DMD: variants seen among roughly 807,000 people sequenced by gnomAD.
The protein encoded by DMD is dystrophin, also known as mutant dystrophin.
A neutral mutation model predicts 330.1 loss-of-function variants in DMD; 63 were observed. The ratio of observed to expected loss-of-function variants is 0.19; its 90% CI spans 0.16 to 0.24. The LOEUF (loss-of-function observed/expected upper bound fraction) is 0.24. Among genes scored for constraint, DMD ranks in the 10% least tolerant of loss-of-function variants. The pLI is 1.00. For missense variants in DMD, 3,344 were observed against 2,684.1 expected (o/e 1.25, Z -5.43); for synonymous variants, 1,223 against 959.8 (o/e 1.27, Z -5.07).
intron 27 of DMD, among the ~76,000 whole-genome samples, chrX:32,446,955 T>C (rs1299589096): frequency 2.7e-5 from 3 of 110,574 alleles, no homozygotes; most frequent in African/African-American, 9.8e-5. Flanking sequence ...AATCCAATAA[T>C]TGGTCTTGAA....
At chrX:31,269,808 G>A (rs1450325399) in intron 62 of DMD, among the ~76,000 whole-genome samples, 4 of 111,700 alleles carry the variant, frequency 3.6e-5, no homozygotes, top group Non-Finnish European at 7.5e-5. Flanking sequence ...CTGACCTAAG[G>A]GACTGTGCAG....
chrX:33,021,408 TG>T (rs2093911642), intron 1 of DMD, among the ~76,000 whole-genome samples: 2 of 111,243 alleles, frequency 1.8e-5, no homozygotes, highest in Admixed American at 1.9e-4. Flanking sequence ...TATTAGTTAA[TG>T]TTCAGTAAAT....
At chrX:32,636,451 C>T (rs1340135671) in intron 11 of DMD, among the ~76,000 whole-genome samples, 4 of 111,797 alleles carry the variant, frequency 3.6e-5, no homozygotes, top group African/African-American at 1.3e-4. Context: ...ATTTATTTTC[C>T]TACTTAATGG....
chrX:31,301,777 T>C (rs763628848), intron 62 of DMD, among the ~76,000 whole-genome samples: 97 of 112,104 alleles, frequency 8.7e-4, no homozygotes, highest in Non-Finnish European at 1.7e-3. Context: ...TTGTTTGTTG[T>C]TGTTGTTGTT....
intron 44 of DMD, among the ~76,000 whole-genome samples, chrX:32,202,489 C>T (rs2097045491): frequency 9.0e-6 from 1 of 111,560 alleles, no homozygotes; most frequent in African/African-American, 3.3e-5. Context: ...GTAGCTGGGA[C>T]TCTAGGCATG....
intron 7 of DMD, among the ~76,000 whole-genome samples, chrX:32,750,272 G>GAA (rs1021756984): frequency 9.0e-6 from 1 of 111,586 alleles, no homozygotes; most frequent in Non-Finnish European, 1.9e-5. Flanking sequence ...CCATCCTTGA[G>GAA]AAAGCTAGTT....
chrX:32,773,510 CTTT>C (rs1352903237), intron 7 of DMD, among the ~76,000 whole-genome samples: 1 of 62,381 alleles, frequency 1.6e-5, no homozygotes, highest in Non-Finnish European at 3.1e-5. Flanking sequence ...TAACTATATA[CTTT>C]TTATTTTTTT....
Position 31,449,795 on chromosome X carries a change from TATAG to T in DMD, c.8938-5172_8938-5169del, listed in dbSNP as rs58546089. Among the ~76,000 whole-genome samples the T allele has an allele frequency of 2.2e-3, 179 of 81,245 alleles. 1 individual carries two copies. The highest frequency in any genetic ancestry group is 8.3e-3 in the Admixed American group (55 of 6,622). 70.6% of individuals were successfully genotyped at this position (81,245 alleles called of 115,157 possible). ...ATATATATATATATATATATATATA[TATAG>T]ATAGATAGATAGATAGAAATCTGGC... On this transcript the variant is annotated intron_variant, in intron 59 of 78. Transcript: ENST00000357033.
chrX:31,452,296 A>G (rs2065817745), intron 59 of DMD, among the ~76,000 whole-genome samples: 1 of 87,073 alleles, frequency 1.1e-5, no homozygotes, highest in African/African-American at 5.9e-5. Context: ...ATAAAAAACA[A>G]TCTCAACCAG....
chrX:31,364,645 C>T (rs749639745), intron 60 of DMD, among the ~76,000 whole-genome samples: 48 of 112,147 alleles, frequency 4.3e-4, no homozygotes, highest in African/African-American at 1.4e-3. Context: ...ATTTAAGTTG[C>T]TCAAGAACCA....
At chrX:31,503,450 G>T (rs951620411) in intron 56 of DMD, among the ~76,000 whole-genome samples, 10 of 111,989 alleles carry the variant, frequency 8.9e-5, no homozygotes, top group African/African-American at 3.2e-4. Context: ...AAACTGGGTT[G>T]CCCAGCTGCT....
At chrX:32,058,515 C>A (rs1157221846) in intron 44 of DMD, among the ~76,000 whole-genome samples, 1 of 97,917 alleles carries the variant, frequency 1.0e-5, no homozygotes, top group Non-Finnish European at 2.0e-5. Flanking sequence ...CAGGGAAATG[C>A]AAATCAAATC....
Position 32,406,465 on chromosome X carries a change from G to C in DMD, c.4233+5287C>G, listed in dbSNP as rs139771122. On this transcript the variant is annotated intron_variant, in intron 30 of 78. Transcript: ENST00000357033. ...TTATTGAGAATTTTTAGCATGAGGG[G>C]TAGTTGAATATTGTCAAAGGCCTTT... 4.9e-3 allele frequency among the ~76,000 whole-genome samples: 545 copies of C among 110,487 alleles called. 18 individuals are homozygous for C. The highest frequency in any genetic ancestry group is 0.017 in the African/African-American group (500 of 29,875).
chrX:32,868,414 T>TCTAAGAGAACTGCCAC (rs1276162278), intron 2 of DMD, among the ~76,000 whole-genome samples: 1 of 110,962 alleles, frequency 9.0e-6, no homozygotes, highest in East Asian at 2.9e-4. Flanking sequence ...AGGGGCGGCA[T>TCTAAGAGAACTGCCAC]CTAAGAGAAC....
chrX:31,366,496 A>AAC (rs2089265599), intron 60 of DMD, among the ~76,000 whole-genome samples: 2 of 63,517 alleles, frequency 3.1e-5, no homozygotes, highest in African/African-American at 1.3e-4. Context: ...AAAAAAAAAA[A>AAC]CATAAAAAAA....
intron 51 of DMD, among the ~76,000 whole-genome samples, chrX:31,762,594 C>G (rs1388932355): frequency 7.2e-5 from 8 of 111,001 alleles, no homozygotes; most frequent in Non-Finnish European, 1.3e-4. Context: ...AACAACAAAA[C>G]AAAACAAAAA....
At position 31,820,063 on chromosome X, in the gene DMD, G is replaced by A; in HGVS notation, c.7221C>T (p.Ser2407=). Reference sequence around the variant, plus strand: ...AACGGTTTACCGCCTTCCACTCAGAGCTCAGATCTTCTAACTTCCTCTTTA... The same window carrying A: ...AACGGTTTACCGCCTTCCACTCAGAACTCAGATCTTCTAACTTCCTCTTTA... ...QPVKRKLEDL[S]SEWKAVNRLL... is the part of the protein sequence containing the mutation. The change falls in exon 50 of 79, where the codon AGC becomes AGT. Residue 2407 remains serine (S), a synonymous_variant. Transcript: ENST00000357033. 8.3e-7 allele frequency: 1 copy of A among 1,210,316 alleles called. No individual in the cohort carries two copies. Among genetic ancestry groups the A allele is most frequent in the Non-Finnish European group, 1.1e-6 (1 of 894,225 alleles).
chrX:32,310,270 C>G lies in DMD; in HGVS notation c.5929G>C (p.Val1977Leu), dbSNP rs1314263909. ...ATCACCATCATCGTTTCTTCACGGA[C>G]AGTGTGCTGGTATAGATATACAAAA... ...RRLNFAQIHT[V>L]REETMMVMTE... Residue 1977 changes from valine to leucine, a missense_variant, in exon 42 of 79, where the codon GTC (valine) becomes CTC (leucine). Coordinates refer to ENST00000357033, the MANE Select transcript of DMD (RefSeq NM_004006.3). 7.5e-6 allele frequency: 9 copies of G among 1,205,661 alleles called. No individual in the cohort carries two copies. The South Asian group carries it at 1.6e-4, about 21-fold the overall frequency.
intron 61 of DMD, among the ~76,000 whole-genome samples, chrX:31,343,582 AGTGTGTGTGT>A (rs56312485): frequency 5.7e-5 from 5 of 87,646 alleles, no homozygotes; most frequent in Non-Finnish European, 8.9e-5. Context: ...TCCAAAGGGG[AGTGTGTGTGT>A]GTGTGTGTGT....
Sources: gnomAD v4.1 joint callset for allele counts (sites outside exome capture counted in the v4.1 genomes callset) on GRCh38, gnomAD v4.1.1 for gene constraint, MANE v1.5 for transcripts, NCBI Gene and HGNC (gene_info 2026-07-23, HGNC 2026-07-21) for gene names.